Variants in DNAJC17 observed in about 807,000 individuals in gnomAD.
The protein encoded by DNAJC17 is DnaJ heat shock protein family (Hsp40) member C17, also known as dnaJ homolog subfamily C member 17.
A neutral mutation model predicts 48.1 loss-of-function variants in DNAJC17; 35 were observed. That is an observed-to-expected ratio of 0.73 (90% CI 0.56 to 0.96). The LOEUF is 0.96. DNAJC17 is among the 50% of genes least tolerant of loss of function. The pLI is 0.00. For missense variants in DNAJC17, 355 were observed against 377.1 expected, an observed-to-expected ratio of 0.94 and a Z score of 0.48; for synonymous variants, 117 against 142.7, an observed-to-expected ratio of 0.82 and a Z score of 1.28.
At chr15:40,799,064 A>C (rs1890009654) in intron 1 of DNAJC17, among the ~76,000 whole-genome samples, 1 of 151,450 alleles carries the variant, frequency 6.6e-6, no homozygotes, top group South Asian at 2.1e-4. Flanking sequence ...CTAAAAATAC[A>C]AAAAAAATTA....
intron 1 of DNAJC17, among the ~76,000 whole-genome samples, chr15:40,797,657 C>CT (rs1889971322): frequency 6.6e-6 from 1 of 151,418 alleles, no homozygotes; most frequent in Non-Finnish European, 1.5e-5. Context: ...GGTGATGCAC[C>CT]TGCCTCAGCC....
chr15:40,778,590 C>T (rs937888225), intron 4 of DNAJC17, among the ~76,000 whole-genome samples: 5 of 152,078 alleles, frequency 3.3e-5, no homozygotes, highest in East Asian at 1.9e-4. Flanking sequence ...AGTTTAAATC[C>T]CACCTCCAGC....
At chr15:40,802,647 A>T (rs1890103850) in intron 1 of DNAJC17, among the ~76,000 whole-genome samples, 1 of 152,134 alleles carries the variant, frequency 6.6e-6, no homozygotes, top group Admixed American at 6.5e-5. Context: ...GCCTTAGCAG[A>T]AGGAGCAGAG....
At chr15:40,782,996 C>A (rs1889545477) in intron 1 of DNAJC17, among the ~76,000 whole-genome samples, 1 of 152,210 alleles carries the variant, frequency 6.6e-6, no homozygotes, top group Admixed American at 6.5e-5. Context: ...CACCCTAACC[C>A]TCCCTGCCTA....
At chr15:40,774,551 T>C (rs1034447570) in intron 8 of DNAJC17, 115 bp from the exon 9 acceptor site, 2 of 1,138,654 alleles carry the variant, frequency 1.8e-6, no homozygotes, top group African/African-American at 3.1e-5. Flanking sequence ...AGTTGGGAGA[T>C]AACTTCTTGC....
chr15:40,800,620 T>C (rs1890052734), intron 1 of DNAJC17, among the ~76,000 whole-genome samples: 1 of 151,222 alleles, frequency 6.6e-6, no homozygotes, highest in Admixed American at 6.6e-5. Flanking sequence ...TTTTTTTGGT[T>C]GTTGAGCTGT....
At chr15:40,803,098 G>A (rs1353341022) in intron 1 of DNAJC17, among the ~76,000 whole-genome samples, 4 of 147,248 alleles carry the variant, frequency 2.7e-5, no homozygotes, top group Non-Finnish European at 6.0e-5. Flanking sequence ...AGAGACCCTG[G>A]GTCAAAAAAA....
At chr15:40,775,317 C>T in intron 7 of DNAJC17, 1 of 701,544 alleles carries the variant, frequency 1.4e-6, no homozygotes, top group Non-Finnish European at 2.4e-6. Context: ...CCCAGAAGAC[C>T]CTCTCCTGAG....
intron 1 of DNAJC17, among the ~76,000 whole-genome samples, chr15:40,780,875 G>A (rs913371386): frequency 3.3e-5 from 5 of 151,790 alleles, no homozygotes; most frequent in African/African-American, 1.2e-4. Flanking sequence ...GGCCGGACAT[G>A]GTGGCTCACG....
chr15:40,802,193 C>G (rs1346558928), intron 1 of DNAJC17, among the ~76,000 whole-genome samples: 6 of 135,328 alleles, frequency 4.4e-5, no homozygotes, highest in Non-Finnish European at 7.6e-5. Context: ...TTTTTCGAGA[C>G]AGATTCTAGC....
rs1459512471 is a variant in DNAJC17 at position 40,767,212 on chromosome 15, CTG to C, written c.*726_*727del. 2 of 1,496,920 alleles carry C rather than the reference CTG, an allele frequency of 1.3e-6. No homozygotes were observed. The highest frequency in any genetic ancestry group is 2.9e-5 in the African/African-American group (2 of 69,480). The allele number at this position is 1,496,920 out of a possible 1,614,324, so 92.7% of individuals were successfully genotyped here. On this transcript the variant is annotated 3_prime_UTR_variant, in exon 11 of 11. Transcript: ENST00000220496. ...TGTGCCCCTCCTCACCCCCCCCATC[CTG>C]TCTCTTTGCAGTTATGAATACTACG... is the stretch of plus-strand genomic sequence containing the variant.
intron 1 of DNAJC17, among the ~76,000 whole-genome samples, chr15:40,782,143 G>A (rs996714890): frequency 9.9e-5 from 15 of 152,056 alleles, no homozygotes; most frequent in African/African-American, 3.6e-4. Flanking sequence ...AGGATCACTG[G>A]AGCCCGGGAG....
chr15:40,793,549 T>C (rs959909026), intron 1 of DNAJC17, among the ~76,000 whole-genome samples: 3 of 152,082 alleles, frequency 2.0e-5, no homozygotes, highest in African/African-American at 7.2e-5. Context: ...ACTGCCTCAA[T>C]TGAGAATCAC....
chr15:40,793,837 G>A (rs566339327), intron 1 of DNAJC17, among the ~76,000 whole-genome samples: 46 of 152,076 alleles, frequency 3.0e-4, no homozygotes, highest in African/African-American at 1.0e-3. Context: ...TTTTGCAGAC[G>A]AGGAAACCAA....
rs147633774 is a variant in DNAJC17, at chr15:40,768,923, G to A, written c.793-861C>T. On this transcript the variant is annotated intron_variant, in intron 10 of 10. Coordinates refer to ENST00000220496, the MANE Select transcript of DNAJC17 (RefSeq NM_018163.3). ...CAGGGATTGCAAGATGCGGTGGCCT[G>A]CCCGTAGCAGAGAGCTGTGGGGCCC... Among the ~76,000 whole-genome samples, 457 of 152,358 alleles carry A rather than the reference G, an allele frequency of 3.0e-3. 3 individuals are homozygous for A. Among genetic ancestry groups the A allele is most frequent in the African/African-American group, 0.011 (441 of 41,586 alleles).
chr15:40,775,200 C>T, intron 7 of DNAJC17, 92 bp from the exon 8 acceptor site: 2 of 1,372,382 alleles, frequency 1.5e-6, no homozygotes, highest in Non-Finnish European at 2.1e-6. Context: ...CATCCTCCCA[C>T]CCTCCAAGCC....
chr15:40,789,903 C>CAAAA (rs71428311), intron 1 of DNAJC17, among the ~76,000 whole-genome samples: 910 of 20,146 alleles, frequency 0.045, 114 homozygotes, highest in Middle Eastern at 0.2. Context: ...CAGACTGTCT[C>CAAAA]AAAAAAAAAA....
At chr15:40,774,961 C>T in intron 8 of DNAJC17, 70 bp downstream of exon 8, 1 of 1,519,894 alleles carries the variant, frequency 6.6e-7, no homozygotes, top group Non-Finnish European at 9.1e-7. Flanking sequence ...GCATTGAGAG[C>T]AGAGACCTAG....
chr15:40,805,858 T>C (rs573436840), intron 1 of DNAJC17, among the ~76,000 whole-genome samples: 1 of 151,208 alleles, frequency 6.6e-6, no homozygotes, highest in Non-Finnish European at 1.5e-5. Flanking sequence ...ATAATAATAA[T>C]AAAGAATTTA....
Sources: gnomAD v4.1 joint callset for allele counts (sites outside exome capture counted in the v4.1 genomes callset) on GRCh38, gnomAD v4.1.1 for gene constraint, MANE v1.5 for transcripts, NCBI Gene and HGNC (gene_info 2026-07-23, HGNC 2026-07-21) for gene names.